The following NRXN1 variants were observed in gnomAD, a reference collection of about 807,000 sequenced individuals.
The protein encoded by NRXN1 is neurexin-1.
In NRXN1, 39 loss-of-function variants were observed where a neutral mutation model predicts 150.9. That is an observed-to-expected ratio of 0.26 (90% CI 0.20 to 0.34). The LOEUF is 0.34. NRXN1 is among the 10% of genes least tolerant of loss of function. The pLI is 1.00. For synonymous variants in NRXN1, 924 were observed against 757.0 expected (o/e 1.22, Z -3.62); for missense variants, 1,815 against 1,949.9 (o/e 0.93, Z 1.30).
At chr2:50,567,037 C>G (rs1040234122) in intron 8 of NRXN1, among the ~76,000 whole-genome samples, 1 of 152,178 alleles carries the variant, frequency 6.6e-6, no homozygotes, top group South Asian at 2.1e-4. Flanking sequence ...TCATCCTACT[C>G]TCTTTCTCTC....
At chr2:50,202,232 C>T (rs1169683647) in intron 18 of NRXN1, among the ~76,000 whole-genome samples, 6 of 152,056 alleles carry the variant, frequency 3.9e-5, no homozygotes, top group African/African-American at 7.2e-5. Flanking sequence ...TGGGGCTGGG[C>T]GCGGTGGCTC....
intron 18 of NRXN1, among the ~76,000 whole-genome samples, chr2:50,229,589 T>C (rs2064747831): frequency 6.6e-6 from 1 of 151,928 alleles, no homozygotes; most frequent in African/African-American, 2.4e-5. Flanking sequence ...ATTGGATATG[T>C]TCTAAATACA....
chr2:49,992,047 T>TA (rs1261136925), intron 21 of NRXN1, among the ~76,000 whole-genome samples: 1 of 152,138 alleles, frequency 6.6e-6, no homozygotes, highest in Admixed American at 6.6e-5. Context: ...AAAAATAATT[T>TA]AGAGACAGAC....
At chr2:50,845,860 GA>G (rs925163954) in intron 5 of NRXN1, among the ~76,000 whole-genome samples, 8 of 151,722 alleles carry the variant, frequency 5.3e-5, no homozygotes, top group African/African-American at 1.7e-4. Flanking sequence ...TTTTCTGAGG[GA>G]AAAAAAACCA....
chr2:50,761,348 G>C (rs1350747584), intron 5 of NRXN1, among the ~76,000 whole-genome samples: 1 of 151,792 alleles, frequency 6.6e-6, no homozygotes, highest in African/African-American at 2.4e-5. Context: ...GAATCATGGG[G>C]GCGAGTTTTT....
chr2:50,975,058 G>T (rs1486598861), intron 2 of NRXN1, among the ~76,000 whole-genome samples: 1 of 151,932 alleles, frequency 6.6e-6, no homozygotes, highest in African/African-American at 2.4e-5. Context: ...AATCCACAAG[G>T]TTCTTTTCAT....
intron 5 of NRXN1, among the ~76,000 whole-genome samples, chr2:50,883,225 C>T (rs1352039348): frequency 2.6e-5 from 4 of 151,616 alleles, no homozygotes; most frequent in East Asian, 1.9e-4. Context: ...AGAGTAAATC[C>T]GAAATGGTCT....
intron 5 of NRXN1, among the ~76,000 whole-genome samples, chr2:50,648,788 C>T (rs997647493): frequency 1.6e-4 from 25 of 151,856 alleles, no homozygotes; most frequent in Non-Finnish European, 2.9e-4. Flanking sequence ...CCCACTTCTA[C>T]CCACCGTGCT....
chr2:50,577,650 A>G (rs1426598278), intron 8 of NRXN1, among the ~76,000 whole-genome samples: 1 of 152,062 alleles, frequency 6.6e-6, no homozygotes, highest in African/African-American at 2.4e-5. Flanking sequence ...ACAACTTGGG[A>G]CATATATAAA....
At chr2:49,974,306 G>A (rs1000922582) in intron 21 of NRXN1, 4 of 506,964 alleles carry the variant, frequency 7.9e-6, no homozygotes, top group African/African-American at 5.8e-5. Context: ...TTGGTACACA[G>A]CCCAGCCCGG....
intron 16 of NRXN1, 79 bp from the exon 17 acceptor site, chr2:50,465,640 G>C (rs1558778915): frequency 1.4e-6 from 2 of 1,426,026 alleles, no homozygotes; most frequent in Non-Finnish European, 1.9e-6. Flanking sequence ...ATCACATGTA[G>C]TAGTTGCCAA....
intron 21 of NRXN1, among the ~76,000 whole-genome samples, chr2:50,044,692 A>G (rs1462662057): frequency 6.6e-6 from 1 of 152,188 alleles, no homozygotes; most frequent in Admixed American, 6.5e-5. Flanking sequence ...TTTATAATTT[A>G]TGTATAGATT....
intron 8 of NRXN1, among the ~76,000 whole-genome samples, chr2:50,601,893 C>A (rs988179): frequency 0.82 from 125,417 of 152,046 alleles, 52,468 homozygotes; most frequent in African/African-American, 0.95. Flanking sequence ...GGTGTTATCA[C>A]ACAGAACTGT....
intron 18 of NRXN1, among the ~76,000 whole-genome samples, chr2:50,151,817 G>GT (rs542035323): frequency 2.2e-4 from 34 of 151,710 alleles, no homozygotes; most frequent in African/African-American, 8.2e-4. Flanking sequence ...AAATTAGTGA[G>GT]TTTTATGGTA....
chr2:50,162,895 T>C (rs1407243737), intron 18 of NRXN1, among the ~76,000 whole-genome samples: 1 of 151,890 alleles, frequency 6.6e-6, no homozygotes, highest in Non-Finnish European at 1.5e-5. Context: ...AATCATATAC[T>C]CTCTCTTGTT....
intron 9 of NRXN1, among the ~76,000 whole-genome samples, chr2:50,550,954 T>A (rs1667380046): frequency 1.3e-5 from 2 of 151,790 alleles, no homozygotes; most frequent in African/African-American, 4.8e-5. Context: ...GTGCTGGGAT[T>A]ACGGGCGTGA....
At chr2:50,871,746 G>A (rs1677815529) in intron 5 of NRXN1, among the ~76,000 whole-genome samples, 1 of 151,780 alleles carries the variant, frequency 6.6e-6, no homozygotes, top group East Asian at 1.9e-4. Context: ...AAGATGAATG[G>A]TATAGAAGGA....
At chr2:50,176,415 G>A (rs1432952476) in intron 18 of NRXN1, among the ~76,000 whole-genome samples, 1 of 152,100 alleles carries the variant, frequency 6.6e-6, no homozygotes, top group Non-Finnish European at 1.5e-5. Context: ...CTTGGAAGGA[G>A]CAGGGGCCTT....
chr2:50,220,025 A>G (rs2063764886), intron 18 of NRXN1, among the ~76,000 whole-genome samples: 2 of 119,914 alleles, frequency 1.7e-5, no homozygotes, highest in Admixed American at 9.6e-5. Context: ...ATATATATAT[A>G]TAAAGAAAAT....
Sources: gnomAD v4.1 joint callset for allele counts (sites outside exome capture counted in the v4.1 genomes callset) on GRCh38, gnomAD v4.1.1 for gene constraint, MANE v1.5 for transcripts, NCBI Gene and HGNC (gene_info 2026-07-23, HGNC 2026-07-21) for gene names.